DHX37: variants seen among roughly 807,000 people sequenced by gnomAD.
The protein encoded by DHX37 is probable ATP-dependent RNA helicase DHX37.
In DHX37, 52 loss-of-function variants were observed where a neutral mutation model predicts 134.3. The observed-to-expected ratio is 0.39, with a 90% confidence interval of 0.31 to 0.49. The LOEUF (loss-of-function observed/expected upper bound fraction) is 0.49. Ranked by LOEUF, DHX37 falls within the 20% of genes least tolerant of loss-of-function variation. The probability of loss-of-function intolerance (pLI) is 0.93; values close to 1 mark genes in which losing one functional copy is unlikely to be tolerated. For synonymous variants in DHX37, 634 were observed against 670.7 expected, an observed-to-expected ratio of 0.95 and a Z score of 0.85; for missense variants, 1,344 against 1,580.8, an observed-to-expected ratio of 0.85 and a Z score of 2.54.
chr12:124,982,702 T>G, intron 2 of DHX37, 79 bp from the exon 3 acceptor site: 2 of 1,555,094 alleles, frequency 1.3e-6, no homozygotes, highest in Admixed American at 3.6e-5. Context: ...GTAATAAAAT[T>G]TCAGCATCAT....
chr12:124,984,972 G>C (rs1486877931), intron 2 of DHX37, among the ~76,000 whole-genome samples: 1 of 152,142 alleles, frequency 6.6e-6, no homozygotes, highest in Non-Finnish European at 1.5e-5. Context: ...CCTTCGAAGA[G>C]ACACACGGAG....
At chr12:124,972,876 C>T (rs1472645760) in intron 6 of DHX37, among the ~76,000 whole-genome samples, 1 of 152,234 alleles carries the variant, frequency 6.6e-6, no homozygotes, top group Non-Finnish European at 1.5e-5. Context: ...CAGGAGACAC[C>T]GGGGAGACCT....
At chr12:124,981,895 G>A (rs769942990) in intron 3 of DHX37, among the ~76,000 whole-genome samples, 5 of 151,576 alleles carry the variant, frequency 3.3e-5, no homozygotes, top group Non-Finnish European at 2.9e-5. Context: ...AGGCCGAGGC[G>A]GGCAGATCAC....
intron 15 of DHX37, among the ~76,000 whole-genome samples, chr12:124,962,794 A>G (rs991204192): frequency 2.6e-5 from 4 of 152,004 alleles, no homozygotes; most frequent in Admixed American, 6.6e-5. Context: ...CTGAGATTGC[A>G]CCACTGCACT....
chr12:124,968,721 C>G (rs1469148278), intron 9 of DHX37, 73 bp from the exon 10 acceptor site: 1 of 1,609,668 alleles, frequency 6.2e-7, no homozygotes, highest in Admixed American at 1.7e-5. Context: ...TTCCCTTTCC[C>G]CATTATTCCG....
At chr12:124,966,689 T>C in intron 12 of DHX37, 104 bp downstream of exon 12, 1 of 1,219,908 alleles carries the variant, frequency 8.2e-7, no homozygotes, top group East Asian at 2.4e-5. Context: ...AACTTCATTT[T>C]ATTCCAATTA....
intron 21 of DHX37, among the ~76,000 whole-genome samples, chr12:124,951,482 C>T (rs959462687): frequency 3.3e-5 from 5 of 152,176 alleles, no homozygotes; most frequent in Non-Finnish European, 5.9e-5. Flanking sequence ...GGACTCACAG[C>T]TTACATATGT....
In DHX37 at chr12:124,950,676, G is replaced by T. The variant is rs189467805; in HGVS notation, c.2983+14C>A. The T allele has an allele frequency of 6.2e-7, 1 of 1,611,242 alleles. No homozygotes were observed. Among genetic ancestry groups the T allele is most frequent in the Non-Finnish European group, 8.5e-7 (1 of 1,178,752 alleles). On this transcript the variant is annotated intron_variant, in intron 22 of 26. Coordinates refer to ENST00000308736, the MANE Select transcript of DHX37 (RefSeq NM_032656.4). ...ACCATCGGGGGACAAGGGGCTGTCC[G>T]CAGGCCTCGGCACCTTTCATGTACA...
At chr12:124,976,291 C>T (rs1954637467) in intron 5 of DHX37, among the ~76,000 whole-genome samples, 1 of 152,210 alleles carries the variant, frequency 6.6e-6, no homozygotes, top group South Asian at 2.1e-4. Flanking sequence ...CTGTAATATA[C>T]CATAGCCATG....
intron 2 of DHX37, among the ~76,000 whole-genome samples, chr12:124,983,225 C>G (rs1378281081): frequency 6.6e-6 from 1 of 152,110 alleles, no homozygotes; most frequent in Non-Finnish European, 1.5e-5. Flanking sequence ...TCTCCTGCCT[C>G]AGCCTCTCCA....
chr12:124,974,918 A>G (rs1210572404), intron 6 of DHX37, among the ~76,000 whole-genome samples: 2 of 152,078 alleles, frequency 1.3e-5, no homozygotes, highest in African/African-American at 4.8e-5. Context: ...CTGGGATTAC[A>G]GGCATGTGCC....
intron 21 of DHX37, among the ~76,000 whole-genome samples, chr12:124,951,862 T>G (rs1218069607): frequency 6.6e-6 from 1 of 151,808 alleles, no homozygotes; most frequent in Non-Finnish European, 1.5e-5. Flanking sequence ...ATCCTAGCTA[T>G]TTGGGAGGCT....
intron 15 of DHX37, among the ~76,000 whole-genome samples, chr12:124,962,530 C>T (rs1228422948): frequency 6.6e-6 from 1 of 152,110 alleles, no homozygotes; most frequent in East Asian, 1.9e-4. Context: ...GTGGTGGGCA[C>T]CTGTAATCTC....
chr12:124,984,517 G>A (rs1954826604), intron 2 of DHX37, among the ~76,000 whole-genome samples: 2 of 151,768 alleles, frequency 1.3e-5, no homozygotes, highest in Non-Finnish European at 2.9e-5. Flanking sequence ...TGGGCAACAA[G>A]AGCAAAACTC....
At chr12:124,982,377 G>T in intron 3 of DHX37, 134 bp downstream of exon 3, 1 of 1,220,350 alleles carries the variant, frequency 8.2e-7, no homozygotes, top group Non-Finnish European at 1.1e-6. Context: ...GGATGACAAT[G>T]AATTTTCAGC....
chr12:124,960,326 G>A lies in DHX37; in HGVS notation c.2143C>T (p.Leu715Phe), dbSNP rs765802466. 1.2e-6 allele frequency: 2 copies of A among 1,613,660 alleles called. No individual in the cohort carries two copies. Among genetic ancestry groups the A allele is most frequent in the Non-Finnish European group, 1.7e-6 (2 of 1,179,700 alleles). Residue 715 changes from leucine to phenylalanine, a missense_variant, in exon 16 of 27, where the codon CTC becomes TTC. Physicochemically the swap from Leu to Phe is conservative, Grantham distance 22 (BLOSUM62 0). This residue lies in a region of DHX37 where 558 missense variants were observed against 650.0 expected (regional missense o/e 0.86). Coordinates refer to ENST00000308736, the MANE Select transcript of DHX37 (RefSeq NM_032656.4). Reference sequence around the variant, plus strand: ...CAGCAACTGACCTTTTCAACGTTGAGCGCCTTCATTTGAAGGATTAAGTCT... The same window carrying A: ...CAGCAACTGACCTTTTCAACGTTGAACGCCTTCATTTGAAGGATTAAGTCT... ...VEDLILQMKA[L>F]NVEKVINFPF...
At chr12:124,966,996 TG>T in intron 11 of DHX37, 118 bp from the exon 12 acceptor site, 1 of 1,529,814 alleles carries the variant, frequency 6.5e-7, no homozygotes, top group Non-Finnish European at 9.0e-7. Flanking sequence ...GGGGGTGAGG[TG>T]GGGGATGGCA....
intron 12 of DHX37, among the ~76,000 whole-genome samples, chr12:124,966,265 G>A (rs183762250): frequency 6.6e-6 from 1 of 152,102 alleles, no homozygotes; most frequent in African/African-American, 2.4e-5. Context: ...ACAGGGTTTC[G>A]CCATGTTGGT....
intron 15 of DHX37, among the ~76,000 whole-genome samples, chr12:124,962,462 C>A (rs1178988439): frequency 6.6e-6 from 1 of 151,962 alleles, no homozygotes; most frequent in African/African-American, 2.4e-5. Flanking sequence ...TCAAGACCAG[C>A]CCGGTCAACA....
Sources: allele counts gnomAD v4.1 joint callset (sites outside exome capture counted in the v4.1 genomes callset), GRCh38; gene constraint gnomAD v4.1.1; regional missense constraint gnomAD v4.1.1; transcripts MANE v1.5; gene names NCBI Gene and HGNC (gene_info 2026-07-23, HGNC 2026-07-21).